Variants in LIPK observed in about 807,000 individuals in gnomAD.
LIPK encodes lipase member K.
Under a neutral mutation model 48.6 loss-of-function variants are expected in LIPK, and 32 were observed. The observed-to-expected ratio is 0.66, with a 90% CI of 0.50 to 0.88. The LOEUF is 0.88. Among genes scored for constraint, LIPK ranks in the 40% least tolerant of loss-of-function variants. The pLI is 0.00. For synonymous variants in LIPK, 164 were observed against 157.4 expected (o/e 1.04, Z -0.32); for missense variants, 507 against 478.5 (o/e 1.06, Z -0.56).
chr10:88,716,124 C>T (rs1842112403), intron 1 of LIPK, among the ~76,000 whole-genome samples: 1 of 151,560 alleles, frequency 6.6e-6, no homozygotes, highest in Non-Finnish European at 1.5e-5. Context: ...CATAAAGACT[C>T]AAAAATGAAA....
chr10:88,736,084 C>T (rs887368228), intron 6 of LIPK, among the ~76,000 whole-genome samples: 1 of 150,988 alleles, frequency 6.6e-6, no homozygotes, highest in African/African-American at 2.4e-5. Context: ...AAAAGAAGTA[C>T]CAAGATTTCA....
intron 7 of LIPK, among the ~76,000 whole-genome samples, chr10:88,739,261 T>A (rs1331985893): frequency 2.0e-5 from 3 of 152,230 alleles, no homozygotes; most frequent in Non-Finnish European, 4.4e-5. Flanking sequence ...AACATACAGA[T>A]CTATTCTTAG....
intron 4 of LIPK, 83 bp from the exon 5 acceptor site, chr10:88,732,095 T>C: frequency 1.2e-6 from 1 of 860,610 alleles, no homozygotes; most frequent in Non-Finnish European, 1.9e-6. Flanking sequence ...TCAAAGTATT[T>C]ATGTCTTCAC....
chr10:88,713,715 C>T (rs566257677), intron 1 of LIPK, among the ~76,000 whole-genome samples: 8 of 151,994 alleles, frequency 5.3e-5, no homozygotes, highest in South Asian at 2.1e-4. Flanking sequence ...CCGAGGTGGG[C>T]GGATTACCTG....
intron 8 of LIPK, among the ~76,000 whole-genome samples, chr10:88,741,849 A>G (rs2134774398): frequency 6.6e-6 from 1 of 152,300 alleles, no homozygotes; most frequent in Middle Eastern, 3.4e-3. Context: ...GTAGTCTATT[A>G]AGCCTGGATA....
chr10:88,740,017 TCA>T lies in LIPK; in HGVS notation c.843_844del (p.His281GlnfsTer18). Reference sequence around the variant, plus strand: ...GCAGAGTCGCTTGGATGTTTATTTGTCACACAATCCTGCGGGAACATCTGTTC... The same window carrying T: ...GCAGAGTCGCTTGGATGTTTATTTGTCACAATCCTGCGGGAACATCTGTTC... The part of the protein sequence containing the change: ...LNMSRLDVYL[S>X]HNPAGTSVQN... On this transcript the variant is annotated frameshift_variant, in exon 8 of 10. Transcript: ENST00000404190. LOFTEE classifies it high-confidence loss of function. 1.2e-6 allele frequency: 2 copies of T among 1,612,588 alleles called. No individual in the cohort carries two copies. The highest frequency in any genetic ancestry group is 1.7e-6 in the Non-Finnish European group (2 of 1,179,034).
Position 88,752,583 on chromosome 10 carries a change from G to T in LIPK, c.1027G>T (p.Asp343Tyr), listed in dbSNP as rs1221215919. The change falls in exon 10 of 10, where the codon GAC (aspartate) becomes TAC (tyrosine). Residue 343 changes from aspartate (D) to tyrosine (Y), a missense_variant. Transcript: ENST00000404190. The stretch of plus-strand genomic sequence containing the variant: ...AACAGCAATATGGAATGGTGGACAG[G>T]ACATTGTGGCTGATCCCAAGGATGT... Reference protein sequence around the residue: ...VPTAIWNGGQDIVADPKDVEN... With the variant: ...VPTAIWNGGQYIVADPKDVEN... 6.4e-7 allele frequency: 1 copy of T among 1,573,048 alleles called. No homozygotes were observed. The highest frequency in any genetic ancestry group is 8.6e-7 in the Non-Finnish European group (1 of 1,156,678).
chr10:88,750,950 G>A (rs1249878639), intron 9 of LIPK, among the ~76,000 whole-genome samples: 1 of 152,060 alleles, frequency 6.6e-6, no homozygotes, highest in Middle Eastern at 3.2e-3. Flanking sequence ...TGTTTTTAAA[G>A]TATATTCTCT....
At chr10:88,728,738 C>T (rs1199491494) in intron 3 of LIPK, 7 of 278,980 alleles carry the variant, frequency 2.5e-5, no homozygotes, top group Non-Finnish European at 5.1e-5. Flanking sequence ...GTGGGCTGGG[C>T]TCGGCCTCAC....
At chr10:88,718,252 C>A (rs1287524896) in intron 1 of LIPK, among the ~76,000 whole-genome samples, 2 of 149,336 alleles carry the variant, frequency 1.3e-5, no homozygotes, top group African/African-American at 4.9e-5. Context: ...TACTTGGCTT[C>A]CTTCTATATA....
chr10:88,732,621 G>A (rs1004206459), intron 6 of LIPK, 70 bp downstream of exon 6: 1 of 1,442,156 alleles, frequency 6.9e-7, no homozygotes, highest in Non-Finnish European at 9.4e-7. Context: ...TTCAACAGAA[G>A]ACCAATGACA....
intron 7 of LIPK, 92 bp from the exon 8 acceptor site, chr10:88,739,904 G>A (rs1842646158): frequency 5.6e-6 from 4 of 713,260 alleles, no homozygotes; most frequent in Non-Finnish European, 9.2e-6. Flanking sequence ...AGGGAAAAGA[G>A]GAAAAGAAGA....
chr10:88,724,504 T>C lies in LIPK; in HGVS notation c.-11-29T>C, dbSNP rs750260500. On this transcript the variant is annotated intron_variant, in intron 1 of 9. Transcript: ENST00000404190. ...TTCACTTCGTAGAATTTATCTTTGA[T>C]GACAAATATATTAAATTTCCTTTCC... 1.4e-5 allele frequency: 18 copies of C among 1,307,836 alleles called. No homozygotes were observed. In the South Asian group the frequency reaches 2.4e-4, roughly 17 times the overall value. 81.0% of individuals were successfully genotyped at this position (1,307,836 alleles called of 1,614,324 possible).
In LIPK at chr10:88,740,809, C is replaced by CA. The variant is rs567486791; in HGVS notation, c.888+742_888+743insA. On this transcript the variant is annotated intron_variant, in intron 8 of 9. Coordinates refer to ENST00000404190, the MANE Select transcript of LIPK (RefSeq NM_001080518.2). ...TCTTAAAGGTTTAATATATCTGAGA[C>CA]CCCCCCCCAACCAGGAATTTGCATT... is the stretch of plus-strand genomic sequence containing the variant. Among the ~76,000 whole-genome samples the CA allele has an allele frequency of 5.9e-5, 4 of 67,984 alleles. No individual in the cohort carries two copies. In the South Asian group the frequency reaches 1.4e-3, roughly 23 times the overall value. The allele number at this position is 67,984 out of a possible 152,430, so 44.6% of individuals were successfully genotyped here. A position where few individuals can be genotyped will look rare whatever the true frequency, so the allele number is the denominator to read the frequency against.
At chr10:88,740,968 C>T (rs142197202) in intron 8 of LIPK, among the ~76,000 whole-genome samples, 14 of 152,204 alleles carry the variant, frequency 9.2e-5, no homozygotes, top group Admixed American at 2.0e-4. Flanking sequence ...AGTTCCTCTA[C>T]GAAGAAAGAT....
intron 1 of LIPK, among the ~76,000 whole-genome samples, chr10:88,707,116 A>C (rs1841950302): frequency 6.6e-6 from 1 of 152,150 alleles, no homozygotes; most frequent in African/African-American, 2.4e-5. Context: ...TTTTTACAAA[A>C]TAGTTATCCT....
At chr10:88,721,797 A>C (rs979302427) in intron 1 of LIPK, among the ~76,000 whole-genome samples, 1 of 152,236 alleles carries the variant, frequency 6.6e-6, no homozygotes, top group Non-Finnish European at 1.5e-5. Flanking sequence ...AGCAGAAATG[A>C]GACCATGTTA....
intron 1 of LIPK, among the ~76,000 whole-genome samples, chr10:88,706,539 C>T (rs12267931): frequency 0.32 from 48,042 of 151,990 alleles, 8,163 homozygotes; most frequent in East Asian, 0.53. Context: ...GCTGCAGCAT[C>T]TAGAAAGCAG....
chr10:88,750,629 A>G (rs1842847419), intron 9 of LIPK, among the ~76,000 whole-genome samples: 1 of 152,176 alleles, frequency 6.6e-6, no homozygotes, highest in South Asian at 2.1e-4. Flanking sequence ...GAGGGGAACA[A>G]TAGACACTGG....
Sources: gnomAD v4.1 joint callset for allele counts (sites outside exome capture counted in the v4.1 genomes callset) on GRCh38, gnomAD v4.1.1 for gene constraint, MANE v1.5 for transcripts, NCBI Gene and HGNC (gene_info 2026-07-23, HGNC 2026-07-21) for gene names.